Variants in CSMD1 observed in about 807,000 individuals in gnomAD.
CSMD1 encodes the protein CUB and sushi domain-containing protein 1.
Under a neutral mutation model 417.5 loss-of-function variants are expected in CSMD1, and 213 were observed. The observed-to-expected ratio is 0.51, with a 90% CI of 0.46 to 0.57. The LOEUF (loss-of-function observed/expected upper bound fraction) is 0.57. Ranked by LOEUF, CSMD1 falls within the 20% of genes least tolerant of loss-of-function variation. The pLI is 0.00. For synonymous variants in CSMD1, 2,862 were observed against 1,736.8 expected (o/e 1.65, Z -16.11); for missense variants, 6,923 against 4,529.7 (o/e 1.53, Z -15.17).
chr8:3,813,528 C>A (rs922918572), intron 5 of CSMD1, among the ~76,000 whole-genome samples: 3 of 152,062 alleles, frequency 2.0e-5, no homozygotes, highest in Non-Finnish European at 2.9e-5. Context: ...GAAGACTGAT[C>A]CATCTACTCT....
chr8:4,532,631 G>A (rs1236105742), intron 2 of CSMD1, among the ~76,000 whole-genome samples: 2 of 131,648 alleles, frequency 1.5e-5, no homozygotes, highest in Admixed American at 7.7e-5. Flanking sequence ...AGTCACTCTG[G>A]AAGAGAAATC....
At chr8:4,512,725 T>C (rs1038683066) in intron 2 of CSMD1, among the ~76,000 whole-genome samples, 1 of 152,014 alleles carries the variant, frequency 6.6e-6, no homozygotes, top group Non-Finnish European at 1.5e-5. Context: ...GATATAAATC[T>C]AGCAAAATAC....
At chr8:4,008,600 C>CTTTT (rs1161117794) in intron 4 of CSMD1, among the ~76,000 whole-genome samples, 44 of 80,444 alleles carry the variant, frequency 5.5e-4, no homozygotes, top group East Asian at 1.6e-3. Flanking sequence ...TTCTTTTTTT[C>CTTTT]TTTTTTTTTT....
chr8:3,075,984 C>G (rs370684460), intron 49 of CSMD1, among the ~76,000 whole-genome samples: 238 of 150,508 alleles, frequency 1.6e-3, no homozygotes, highest in South Asian at 9.6e-3. Flanking sequence ...CTGGGAGGCG[C>G]AGCTTGCAGT....
chr8:3,343,484 C>G (rs1366002931), intron 22 of CSMD1, 34 bp from the exon 23 acceptor site: 2 of 1,585,658 alleles, frequency 1.3e-6, no homozygotes, highest in East Asian at 2.2e-5. Flanking sequence ...TCCCTCTATG[C>G]CTTCACTGGA....
intron 3 of CSMD1, among the ~76,000 whole-genome samples, chr8:4,322,753 G>C (rs984678153): frequency 2.6e-5 from 4 of 152,196 alleles, no homozygotes; most frequent in African/African-American, 9.6e-5. Context: ...CCAGCACTTT[G>C]GAAGGCAGAG....
chr8:2,951,353 A>G (rs1394838984), intron 65 of CSMD1, 78 bp from the exon 66 acceptor site: 5 of 1,405,440 alleles, frequency 3.6e-6, no homozygotes, highest in Non-Finnish European at 4.8e-6. Context: ...CACAGAAGGC[A>G]TCATACTGCT....
intron 4 of CSMD1, among the ~76,000 whole-genome samples, chr8:4,028,545 G>C (rs939461514): frequency 6.6e-6 from 1 of 152,044 alleles, no homozygotes; most frequent in East Asian, 1.9e-4. Context: ...ACTAGCGAAG[G>C]ATAAAATAAA....
intron 23 of CSMD1, among the ~76,000 whole-genome samples, chr8:3,325,190 A>G (rs940385843): frequency 9.2e-5 from 14 of 152,198 alleles, no homozygotes; most frequent in Non-Finnish European, 7.3e-5. Flanking sequence ...TTTCTTCCTG[A>G]GACGGTGTCC....
At chr8:3,298,014 C>T (rs574553243) in intron 25 of CSMD1, among the ~76,000 whole-genome samples, 3 of 152,058 alleles carry the variant, frequency 2.0e-5, no homozygotes, top group African/African-American at 4.8e-5. Context: ...CTTGATCAGT[C>T]GTCAGGGAAA....
intron 41 of CSMD1, among the ~76,000 whole-genome samples, chr8:3,120,624 G>A (rs1817144101): frequency 6.6e-6 from 1 of 151,910 alleles, no homozygotes; most frequent in Non-Finnish European, 1.5e-5. Context: ...CGAAGCGGGT[G>A]GATCACAAGG....
intron 5 of CSMD1, among the ~76,000 whole-genome samples, chr8:3,857,592 G>C (rs925981098): frequency 2.6e-5 from 4 of 152,142 alleles, no homozygotes; most frequent in Non-Finnish European, 4.4e-5. Flanking sequence ...CTGTGTAGAC[G>C]TGAGGTTTGT....
At chr8:3,750,396 A>G (rs1237001947) in intron 6 of CSMD1, among the ~76,000 whole-genome samples, 1 of 150,978 alleles carries the variant, frequency 6.6e-6, no homozygotes, top group East Asian at 1.9e-4. Flanking sequence ...AAGTTGTTTG[A>G]CAACATTTGG....
chr8:3,026,669 A>G (rs1160331590), intron 51 of CSMD1, among the ~76,000 whole-genome samples: 1 of 152,214 alleles, frequency 6.6e-6, no homozygotes, highest in Non-Finnish European at 1.5e-5. Flanking sequence ...TGAGACCGTG[A>G]GCAGAGGATC....
At chr8:4,903,222 C>T (rs1314314989) in intron 1 of CSMD1, among the ~76,000 whole-genome samples, 1 of 152,082 alleles carries the variant, frequency 6.6e-6, no homozygotes, top group Admixed American at 6.6e-5. Context: ...TCTCTCTGAC[C>T]AACCCTGCAC....
chr8:4,066,021 G>A (rs188475371), intron 3 of CSMD1, among the ~76,000 whole-genome samples: 35 of 152,278 alleles, frequency 2.3e-4, no homozygotes, highest in African/African-American at 7.7e-4. Flanking sequence ...TATCCTTGGA[G>A]GAAGTCAGAA....
intron 5 of CSMD1, among the ~76,000 whole-genome samples, chr8:3,772,952 AC>A (rs1798698399): frequency 6.6e-6 from 1 of 152,088 alleles, no homozygotes; most frequent in Non-Finnish European, 1.5e-5. Flanking sequence ...CTGGAGGTTC[AC>A]TATCAAGGTG....
At chr8:3,012,459 G>A (rs1808466622) in intron 52 of CSMD1, among the ~76,000 whole-genome samples, 1 of 152,176 alleles carries the variant, frequency 6.6e-6, no homozygotes, top group South Asian at 2.1e-4. Flanking sequence ...CAACTAGCAT[G>A]CCAGCAGTAT....
intron 5 of CSMD1, among the ~76,000 whole-genome samples, chr8:3,990,800 C>G (rs1814683336): frequency 6.6e-6 from 1 of 152,074 alleles, no homozygotes; most frequent in Non-Finnish European, 1.5e-5. Flanking sequence ...GAGGGGAGGG[C>G]AGGAAATAAT....
Sources: allele counts gnomAD v4.1 joint callset (sites outside exome capture counted in the v4.1 genomes callset), GRCh38; gene constraint gnomAD v4.1.1; transcripts MANE v1.5; gene names NCBI Gene and HGNC (gene_info 2026-07-23, HGNC 2026-07-21).